FYB2: variants seen among roughly 807,000 people sequenced by gnomAD.
FYB2 encodes the protein FYN-binding protein 2.
Under a neutral mutation model 94.1 loss-of-function variants are expected in FYB2, and 103 were observed. The observed-to-expected ratio is 1.09, with a 90% CI of 0.93 to 1.29. The LOEUF (loss-of-function observed/expected upper bound fraction) is 1.29. Among genes scored for constraint, FYB2 ranks in the 50% most tolerant of loss-of-function variants. The pLI is 0.00. For synonymous variants in FYB2, 293 were observed against 287.9 expected (o/e 1.02, Z -0.18); for missense variants, 896 against 841.5 (o/e 1.06, Z -0.80).
intron 5 of FYB2, among the ~76,000 whole-genome samples, chr1:56,762,662 C>G (rs942014945): frequency 6.6e-6 from 1 of 152,106 alleles, no homozygotes; most frequent in African/African-American, 2.4e-5. Context: ...GAATTTCTAT[C>G]TAGATAATCA....
At chr1:56,798,567 G>A (rs1646452390) in intron 1 of FYB2, among the ~76,000 whole-genome samples, 1 of 152,018 alleles carries the variant, frequency 6.6e-6, no homozygotes, top group Admixed American at 6.6e-5. Context: ...TTAGATGAAT[G>A]TATTTCATCA....
At chr1:56,824,933 A>G in the FYB2 span, 5 of 152,194 alleles carry the variant, frequency 3.3e-5, no homozygotes, top group African/African-American at 4.8e-5. Flanking sequence ...CTTTGTTCAT[A>G]TTGCAAGGTA....
chr1:56,801,207 T>G (rs1361728), intron 1 of FYB2, among the ~76,000 whole-genome samples: 1 of 152,278 alleles, frequency 6.6e-6, no homozygotes, highest in East Asian at 1.9e-4. Context: ...GCTCTTCTTG[T>G]GCTCTCCCAA....
Position 56,797,144 on chromosome 1 carries a change from G to A in FYB2, c.10-4341C>T, listed in dbSNP as rs148199886. Among the ~76,000 whole-genome samples the A allele has an allele frequency of 2.9e-3, 441 of 152,236 alleles. 4 individuals are homozygous for A. Among genetic ancestry groups the A allele is most frequent in the African/African-American group, 9.8e-3 (407 of 41,526 alleles). On this transcript the variant is annotated intron_variant, in intron 1 of 19. Coordinates refer to ENST00000343433, the MANE Select transcript of FYB2 (RefSeq NM_001004303.5). ...AACAGTCAGCCAAGCAAAGAACAGAGGAAGGCAGCCCAGAGCATGAACACA... is the reference window on the plus strand; with the variant it reads ...AACAGTCAGCCAAGCAAAGAACAGAAGAAGGCAGCCCAGAGCATGAACACA...
chr1:56,766,258 A>G (rs575191768), intron 5 of FYB2, among the ~76,000 whole-genome samples: 17 of 152,248 alleles, frequency 1.1e-4, no homozygotes, highest in African/African-American at 3.9e-4. Context: ...GCCCTGCTCT[A>G]AAGAAGGGGT....
At chr1:56,730,506 C>CA (rs1292525907) in intron 15 of FYB2, among the ~76,000 whole-genome samples, 2 of 151,766 alleles carry the variant, frequency 1.3e-5, no homozygotes, top group African/African-American at 2.4e-5. Context: ...CCACTGTGAG[C>CA]AACTATCTGC....
At chr1:56,740,655 G>T (rs187522944) in intron 13 of FYB2, 42 bp downstream of exon 13, 81 of 1,213,772 alleles carry the variant, frequency 6.7e-5, no homozygotes, top group Admixed American at 2.4e-4. Flanking sequence ...GTATCTACCA[G>T]GTTAATCCCC....
chr1:56,730,660 A>G (rs1644688217), intron 15 of FYB2, among the ~76,000 whole-genome samples: 1 of 152,112 alleles, frequency 6.6e-6, no homozygotes, highest in Admixed American at 6.5e-5. Flanking sequence ...CTCCCAAAAA[A>G]GAAAAGTCTA....
At chr1:56,791,279 A>G (rs1027697503) in intron 2 of FYB2, among the ~76,000 whole-genome samples, 2 of 148,878 alleles carry the variant, frequency 1.3e-5, no homozygotes, top group Non-Finnish European at 3.0e-5. Context: ...TTTTTTAGAC[A>G]GGATCTTGCT....
intron 11 of FYB2, 109 bp from the exon 12 acceptor site, chr1:56,742,330 T>A: frequency 1.3e-6 from 1 of 759,816 alleles, no homozygotes; most frequent in East Asian, 3.0e-5. Context: ...CTTTGATCTT[T>A]CTTTTGTTAA....
chr1:56,766,106 G>A (rs1645616351), intron 5 of FYB2, among the ~76,000 whole-genome samples: 1 of 152,146 alleles, frequency 6.6e-6, no homozygotes, highest in African/African-American at 2.4e-5. Flanking sequence ...TTCAAAGTGT[G>A]GTCTGTAGAC....
At chr1:56,724,826 T>C (rs1382911367) in intron 16 of FYB2, among the ~76,000 whole-genome samples, 2 of 152,034 alleles carry the variant, frequency 1.3e-5, no homozygotes, top group East Asian at 3.9e-4. Flanking sequence ...GGATATTTGA[T>C]TCCTCCAAAC....
At chr1:56,747,419 CT>C (rs1009497538) in intron 9 of FYB2, among the ~76,000 whole-genome samples, 4 of 151,964 alleles carry the variant, frequency 2.6e-5, no homozygotes, top group Admixed American at 6.6e-5. Context: ...CCTCCCACCC[CT>C]GACAGGCCCC....
chr1:56,822,374 T>C (rs1646997669), upstream of FYB2, among the ~76,000 whole-genome samples: 1 of 152,246 alleles, frequency 6.6e-6, no homozygotes, highest in Admixed American at 6.5e-5. Flanking sequence ...AAGGGTTCTT[T>C]GAAGCAGTTT....
At chr1:56,822,906 C>G (rs979590510), upstream of FYB2, among the ~76,000 whole-genome samples, 4 of 152,044 alleles carry the variant, frequency 2.6e-5, no homozygotes, top group Non-Finnish European at 5.9e-5. Flanking sequence ...CTAGAGTAAC[C>G]TATTATTAAT....
intron 4 of FYB2, among the ~76,000 whole-genome samples, chr1:56,770,262 TA>T (rs1645722991): frequency 6.6e-6 from 1 of 152,148 alleles, no homozygotes; most frequent in Non-Finnish European, 1.5e-5. Context: ...AATAAATCAT[TA>T]AAGAACTTTT....
intron 15 of FYB2, among the ~76,000 whole-genome samples, chr1:56,729,169 C>T (rs547846817): frequency 2.6e-5 from 4 of 152,240 alleles, no homozygotes; most frequent in South Asian, 4.1e-4. Flanking sequence ...AACCACCAAA[C>T]AGTTTTCAGC....
intron 1 of FYB2, among the ~76,000 whole-genome samples, chr1:56,793,778 A>G (rs542284549): frequency 6.6e-6 from 1 of 150,996 alleles, no homozygotes; most frequent in Admixed American, 6.6e-5. Flanking sequence ...CCTGTGGATG[A>G]CAGACACAGC....
chr1:56,719,843 C>T, intron 19 of FYB2, 151 bp from the exon 20 acceptor site: 1 of 1,013,072 alleles, frequency 9.9e-7, no homozygotes, highest in Non-Finnish European at 1.4e-6. Flanking sequence ...TGATAGCATA[C>T]TCAGGAGAGA....
Sources: gnomAD v4.1 joint callset for allele counts (sites outside exome capture counted in the v4.1 genomes callset) on GRCh38, gnomAD v4.1.1 for gene constraint, MANE v1.5 for transcripts, NCBI Gene and HGNC (gene_info 2026-07-23, HGNC 2026-07-21) for gene names.